ODAD2: variants seen among roughly 807,000 people sequenced by gnomAD.
ODAD2 encodes outer dynein arm docking complex subunit 2, also known as outer dynein arm-docking complex subunit 2.
Under a neutral mutation model 106.8 loss-of-function variants are expected in ODAD2, and 89 were observed. The ratio of observed to expected loss-of-function variants is 0.83; its 90% CI spans 0.70 to 0.99. The LOEUF is 0.99. Ranked by LOEUF, ODAD2 falls within the 50% of genes least tolerant of loss-of-function variation. ODAD2 has a pLI of 0.00. For missense variants in ODAD2, 1,168 were observed against 1,238.5 expected (o/e 0.94, Z 0.85); for synonymous variants, 404 against 436.2 (o/e 0.93, Z 0.92).
At chr10:27,989,643 C>T (rs1471283128) in intron 2 of ODAD2, among the ~76,000 whole-genome samples, 1 of 152,120 alleles carries the variant, frequency 6.6e-6, no homozygotes, top group Admixed American at 6.5e-5. Flanking sequence ...TTTCATTGCT[C>T]CTACCAGTTG....
chr10:27,932,595 G>A (rs549325301), intron 16 of ODAD2, among the ~76,000 whole-genome samples: 70 of 152,298 alleles, frequency 4.6e-4, no homozygotes, highest in African/African-American at 1.5e-3. Flanking sequence ...TTTCTCAGGC[G>A]AAGCCCAGTT....
At chr10:27,915,012 C>T (rs892455436) in intron 16 of ODAD2, among the ~76,000 whole-genome samples, 1 of 151,898 alleles carries the variant, frequency 6.6e-6, no homozygotes. Context: ...GAGAATGGGA[C>T]CAAAGAATAT....
intron 16 of ODAD2, among the ~76,000 whole-genome samples, chr10:27,934,459 ATATT>A (rs1447552380): frequency 6.7e-6 from 1 of 149,752 alleles, no homozygotes; most frequent in African/African-American, 2.4e-5. Context: ...TTATATAGAT[ATATT>A]TATTTATATA....
chr10:27,930,674 AT>A (rs1214385462), intron 16 of ODAD2, among the ~76,000 whole-genome samples: 5 of 152,088 alleles, frequency 3.3e-5, no homozygotes, highest in Admixed American at 1.3e-4. Context: ...ACTTTATATA[AT>A]TTTTTGATTC....
chr10:27,972,317 G>T (rs1176796103), intron 7 of ODAD2, among the ~76,000 whole-genome samples: 2 of 151,868 alleles, frequency 1.3e-5, no homozygotes, highest in Non-Finnish European at 2.9e-5. Context: ...AAATAAAATG[G>T]AATCATTTTA....
chr10:27,974,090 G>A (rs1849033195), intron 7 of ODAD2, among the ~76,000 whole-genome samples: 1 of 152,144 alleles, frequency 6.6e-6, no homozygotes. Flanking sequence ...CTTTTGAAAA[G>A]TATCTGTTCA....
At chr10:27,955,509 G>A (rs11594736) in intron 10 of ODAD2, among the ~76,000 whole-genome samples, 57,169 of 151,892 alleles carry the variant, frequency 0.38, 12,103 homozygotes, top group Middle Eastern at 0.59. Flanking sequence ...GTGGCCTGGA[G>A]CAAAGAATTT....
At chr10:27,834,746 A>C (rs1382866070) in intron 19 of ODAD2, among the ~76,000 whole-genome samples, 1 of 152,218 alleles carries the variant, frequency 6.6e-6, no homozygotes, top group Non-Finnish European at 1.5e-5. Context: ...AGAAGGCTTG[A>C]TTAGGGTAAA....
At chr10:27,885,784 A>T (rs12771813) in intron 17 of ODAD2, among the ~76,000 whole-genome samples, 3 of 49,086 alleles carry the variant, frequency 6.1e-5, no homozygotes, top group Admixed American at 4.5e-4. Flanking sequence ...TAAAATATAT[A>T]TTATATATAA....
chr10:27,899,821 C>T (rs1023791608), intron 17 of ODAD2, among the ~76,000 whole-genome samples: 45 of 152,160 alleles, frequency 3.0e-4, no homozygotes, highest in African/African-American at 1.1e-3. Context: ...CAGTCAGGAG[C>T]TTATACATAA....
intron 16 of ODAD2, among the ~76,000 whole-genome samples, chr10:27,924,007 A>AG (rs1564509213): frequency 1.3e-4 from 17 of 126,462 alleles, no homozygotes; most frequent in Non-Finnish European, 2.1e-4. Context: ...AGAAAGAAAG[A>AG]AAGAAAGAAA....
At chr10:27,825,811 G>C (rs1255497308) in intron 19 of ODAD2, among the ~76,000 whole-genome samples, 2 of 152,178 alleles carry the variant, frequency 1.3e-5, no homozygotes, top group Non-Finnish European at 2.9e-5. Flanking sequence ...AGCAGAAAGA[G>C]ACTTGAGCCA....
At chr10:27,977,439 C>T (rs570667778) in intron 7 of ODAD2, among the ~76,000 whole-genome samples, 2 of 150,156 alleles carry the variant, frequency 1.3e-5, no homozygotes, top group Non-Finnish European at 3.0e-5. Context: ...CGGTGGCGGG[C>T]GCCTGTAGTC....
chr10:27,985,234 G>T, intron 3 of ODAD2, 23 bp from the exon 4 acceptor site: 1 of 1,410,304 alleles, frequency 7.1e-7, no homozygotes, highest in South Asian at 1.4e-5. Flanking sequence ...AAAAAAAGGA[G>T]ACAAATAAAA....
intron 18 of ODAD2, 137 bp downstream of exon 18, chr10:27,862,297 G>A: frequency 1.9e-6 from 1 of 531,798 alleles, no homozygotes; most frequent in Non-Finnish European, 3.1e-6. Flanking sequence ...TAAATGAGTT[G>A]ACCAAATCTC....
intron 19 of ODAD2, among the ~76,000 whole-genome samples, chr10:27,853,937 C>A (rs1839472468): frequency 6.6e-6 from 1 of 152,012 alleles, no homozygotes; most frequent in Admixed American, 6.6e-5. Flanking sequence ...TCAAAAGATA[C>A]AGTTAAGAGA....
intron 11 of ODAD2, 42 bp from the exon 12 acceptor site, chr10:27,944,473 G>A (rs760923906): frequency 3.4e-5 from 53 of 1,545,340 alleles, no homozygotes; most frequent in South Asian, 1.0e-4. Context: ...TATGTAACCC[G>A]TGCTATGTTT....
intron 19 of ODAD2, among the ~76,000 whole-genome samples, chr10:27,837,668 G>A (rs1004752761): frequency 6.6e-6 from 1 of 151,980 alleles, no homozygotes; most frequent in Non-Finnish European, 1.5e-5. Context: ...TTTAAACGTG[G>A]GTCATAAAGA....
intron 10 of ODAD2, among the ~76,000 whole-genome samples, chr10:27,956,105 A>G (rs11596317): frequency 0.54 from 81,280 of 151,838 alleles, 21,925 homozygotes; most frequent in Middle Eastern, 0.65. Flanking sequence ...GATGATACAG[A>G]ACAAACAAAT....
Sources: allele counts gnomAD v4.1 joint callset (sites outside exome capture counted in the v4.1 genomes callset), GRCh38; gene constraint gnomAD v4.1.1; transcripts MANE v1.5; gene names NCBI Gene and HGNC (gene_info 2026-07-23, HGNC 2026-07-21).